ACOXL: variants seen among roughly 807,000 people sequenced by gnomAD.
ACOXL encodes the protein acyl-coenzyme A oxidase-like protein.
Under a neutral mutation model 71.9 loss-of-function variants are expected in ACOXL, and 70 were observed. That is an observed-to-expected ratio of 0.97 (90% CI 0.80 to 1.19). The LOEUF (loss-of-function observed/expected upper bound fraction) is 1.19, where lower values mean the gene tolerates loss of function less well. Ranked by LOEUF, ACOXL falls within the 50% of genes most tolerant of loss-of-function variation. ACOXL has a pLI of 0.00. For synonymous variants in ACOXL, 253 were observed against 281.6 expected (o/e 0.90, Z 1.02); for missense variants, 703 against 736.3 (o/e 0.95, Z 0.52).
At position 110,801,632 on chromosome 2, in the gene ACOXL, C is replaced by T. The variant is rs764369138; in HGVS notation, c.548-20C>T. ...AATACTTCTGATGCTGCATCCATTT[C>T]CCCTTTCTATTCTTGCCAGGTCTGC... On this transcript the variant is annotated intron_variant, in intron 7 of 17. Transcript: ENST00000439055. The T allele has an allele frequency of 3.1e-6, 5 of 1,607,598 alleles. No individual in the cohort carries two copies. In the East Asian group the frequency reaches 1.1e-4, roughly 36 times the overall value.
intron 10 of ACOXL, among the ~76,000 whole-genome samples, chr2:110,854,439 T>A (rs542787452): frequency 4.2e-4 from 64 of 151,218 alleles, no homozygotes; most frequent in African/African-American, 1.3e-3. Flanking sequence ...TTCCCCAAAG[T>A]GTGTCACCAA....
intron 12 of ACOXL, among the ~76,000 whole-genome samples, chr2:110,970,795 C>A (rs984599203): frequency 6.6e-6 from 1 of 152,174 alleles, no homozygotes; most frequent in African/African-American, 2.4e-5. Flanking sequence ...CTCAACCTAA[C>A]TCTCACACAT....
chr2:110,888,563 A>G (rs567065713), intron 10 of ACOXL, among the ~76,000 whole-genome samples: 75 of 152,334 alleles, frequency 4.9e-4, no homozygotes, highest in African/African-American at 1.6e-3. Context: ...GACCCTGACT[A>G]ATAGGGCCCA....
intron 14 of ACOXL, among the ~76,000 whole-genome samples, chr2:111,017,432 G>T (rs1022864472): frequency 2.0e-5 from 3 of 152,256 alleles, no homozygotes; most frequent in Non-Finnish European, 2.9e-5. Flanking sequence ...AAGCTCAGCA[G>T]TGGCAGCAGC....
At chr2:110,946,210 A>G (rs76443867) in intron 12 of ACOXL, among the ~76,000 whole-genome samples, 322 of 152,328 alleles carry the variant, frequency 2.1e-3, no homozygotes, top group African/African-American at 7.4e-3. Context: ...TATAGATGCT[A>G]CTGATTTTTG....
intron 14 of ACOXL, among the ~76,000 whole-genome samples, chr2:111,004,347 G>T (rs1269323754): frequency 3.3e-5 from 5 of 152,156 alleles, no homozygotes; most frequent in African/African-American, 1.2e-4. Context: ...AAGCCCATCT[G>T]CCCCTTACCC....
At chr2:110,887,901 T>C (rs745551432) in intron 10 of ACOXL, 9 of 152,238 alleles carry the variant, frequency 5.9e-5, no homozygotes, top group Non-Finnish European at 1.0e-4. Context: ...CTTGCTGACA[T>C]TGGAGGGCGT....
intron 1 of ACOXL, among the ~76,000 whole-genome samples, chr2:110,740,610 T>C (rs150181938): frequency 6.6e-6 from 1 of 152,370 alleles, no homozygotes; most frequent in East Asian, 1.9e-4. Flanking sequence ...AGGTTTTTAA[T>C]GTGTAAAATA....
intron 11 of ACOXL, among the ~76,000 whole-genome samples, chr2:110,915,843 G>A (rs2059840592): frequency 6.6e-6 from 1 of 151,746 alleles, no homozygotes; most frequent in Non-Finnish European, 1.5e-5. Flanking sequence ...AAATTTCCTT[G>A]GAAGATTTTG....
chr2:110,990,507 A>T (rs564505015), intron 13 of ACOXL, among the ~76,000 whole-genome samples: 1 of 152,048 alleles, frequency 6.6e-6, no homozygotes. Flanking sequence ...TATTCTTTTC[A>T]TGTCTCACAG....
At chr2:110,761,470 A>G (rs996871788) in intron 1 of ACOXL, among the ~76,000 whole-genome samples, 1 of 152,218 alleles carries the variant, frequency 6.6e-6, no homozygotes, top group Non-Finnish European at 1.5e-5. Flanking sequence ...CCTGCAATCA[A>G]TGACTAACTA....
intron 14 of ACOXL, 152 bp downstream of exon 14, chr2:110,996,156 T>C (rs2149593807): frequency 3.2e-6 from 2 of 619,808 alleles, no homozygotes; most frequent in East Asian, 2.9e-5. Context: ...TTTTGCATGA[T>C]ACCGTTGCTT....
intron 17 of ACOXL, among the ~76,000 whole-genome samples, chr2:111,102,995 A>G (rs1178022298): frequency 6.6e-6 from 1 of 152,232 alleles, no homozygotes; most frequent in Admixed American, 6.5e-5. Context: ...AACCATTAAA[A>G]GATAGCACAT....
chr2:110,823,947 G>A (rs1376731508), intron 9 of ACOXL, among the ~76,000 whole-genome samples: 1 of 152,066 alleles, frequency 6.6e-6, no homozygotes, highest in African/African-American at 2.4e-5. Flanking sequence ...GTGTCATAGG[G>A]CAGAAGTTTT....
chr2:110,756,062 A>C (rs538412796), intron 1 of ACOXL, among the ~76,000 whole-genome samples: 2 of 152,290 alleles, frequency 1.3e-5, no homozygotes, highest in Non-Finnish European at 2.9e-5. Context: ...TGAGAAATTT[A>C]TTTGATATAA....
At chr2:110,889,540 G>C (rs1697699664) in intron 10 of ACOXL, among the ~76,000 whole-genome samples, 1 of 152,060 alleles carries the variant, frequency 6.6e-6, no homozygotes, top group African/African-American at 2.4e-5. Flanking sequence ...TCCACTTTCT[G>C]TCTCTATAGA....
At chr2:110,974,274 G>C (rs945319423) in intron 12 of ACOXL, among the ~76,000 whole-genome samples, 3 of 152,222 alleles carry the variant, frequency 2.0e-5, no homozygotes, top group Admixed American at 6.5e-5. Context: ...AGTGCTTTCA[G>C]CTTTCTACCA....
At chr2:110,894,358 C>T (rs924642277) in intron 10 of ACOXL, among the ~76,000 whole-genome samples, 1 of 149,666 alleles carries the variant, frequency 6.7e-6, no homozygotes, top group African/African-American at 2.5e-5. Context: ...CCCAAATGAG[C>T]CTGCTTTCTC....
intron 11 of ACOXL, among the ~76,000 whole-genome samples, chr2:110,927,420 C>A (rs763403759): frequency 1.3e-5 from 2 of 152,206 alleles, no homozygotes; most frequent in Non-Finnish European, 2.9e-5. Context: ...CCCACCCACA[C>A]CTCTCTGTCC....
Sources: allele counts gnomAD v4.1 joint callset (sites outside exome capture counted in the v4.1 genomes callset), GRCh38; gene constraint gnomAD v4.1.1; transcripts MANE v1.5; gene names NCBI Gene and HGNC (gene_info 2026-07-23, HGNC 2026-07-21).